ZNF703: variants seen among roughly 807,000 people sequenced by gnomAD.
ZNF703 encodes the protein zinc finger protein 703.
Under a neutral mutation model 30.7 loss-of-function variants are expected in ZNF703, and 18 were observed. The observed-to-expected ratio is 0.59, with a 90% CI of 0.40 to 0.87. The LOEUF is 0.87. Among genes scored for constraint, ZNF703 ranks in the 40% least tolerant of loss-of-function variants. The probability of loss-of-function intolerance (pLI) is 0.00; values close to 1 mark genes in which losing one functional copy is unlikely to be tolerated. For synonymous variants in ZNF703, 457 were observed against 438.6 expected (o/e 1.04, Z -0.52); for missense variants, 814 against 847.8 (o/e 0.96, Z 0.50).
chr8:37,697,010 C>A, intron 1 of ZNF703, 135 bp from the exon 2 acceptor site: 1 of 1,092,890 alleles, frequency 9.2e-7, no homozygotes, highest in Non-Finnish European at 1.2e-6. Flanking sequence ...CCCGGCCCGG[C>A]CCTCGCTCGC....
At position 37,698,578 on chromosome 8, in the gene ZNF703, G is replaced by A. The variant is rs1435477191; in HGVS notation, c.1677G>A (p.Leu559=). 1.3e-5 allele frequency: 20 copies of A among 1,568,112 alleles called. No homozygotes were observed. In the East Asian group the frequency reaches 5.1e-4, roughly 40 times the overall value. The change falls in exon 2 of 2, where the codon CTG becomes CTA. Residue 559 remains leucine, a synonymous_variant. Transcript: ENST00000331569. ...GKSHLSTAGG[L]AVPSLPTAGP... is the part of the protein sequence containing the mutation. Reference sequence around the variant, plus strand: ...GCCACTTATCCACAGCGGGGGGCCTGGCCGTGCCGTCCCTCCCCACAGCCG... The same window carrying A: ...GCCACTTATCCACAGCGGGGGGCCTAGCCGTGCCGTCCCTCCCCACAGCCG...
Position 37,697,554 on chromosome 8 carries a change from C to CCGGCGGCTCCCG in ZNF703, c.665_676dup (p.Arg222_Ser225dup), listed in dbSNP as rs989762557. 16 of 1,470,212 alleles carry CCGGCGGCTCCCG rather than the reference C, an allele frequency of 1.1e-5. No homozygotes were observed. Among genetic ancestry groups the CCGGCGGCTCCCG allele is most frequent in the Non-Finnish European group, 1.4e-5 (16 of 1,116,904 alleles). The allele number at this position is 1,470,212 out of a possible 1,614,324, so 91.1% of individuals were successfully genotyped here. The stretch of plus-strand genomic sequence containing the variant: ...TCCGCATCCTCGTCCTCGTCGTCGC[C>CCGGCGGCTCCCG]CGGCGGCTCCCGCGGCGGCTCCCCG... On this transcript the variant is annotated inframe_insertion, in exon 2 of 2. Coordinates refer to ENST00000331569, the MANE Select transcript of ZNF703 (RefSeq NM_025069.3).
rs1339218772 is a variant in ZNF703 at position 37,699,149 on chromosome 8, TC to T, written c.*478del. On this transcript the variant is annotated 3_prime_UTR_variant, in exon 2 of 2. Coordinates refer to ENST00000331569, the MANE Select transcript of ZNF703 (RefSeq NM_025069.3). The stretch of plus-strand genomic sequence containing the variant: ...AAACTACGTTTCCGCCTTCTCTTTT[TC>T]CCTCTTCCCCCTTCATTCCCTCTTG... 1 of 154,312 alleles carries T rather than the reference TC, an allele frequency of 6.5e-6. No individual in the cohort carries two copies. Among genetic ancestry groups the T allele is most frequent in the African/African-American group, 2.4e-5 (1 of 41,530 alleles). The allele number at this position is 154,312 out of a possible 1,614,324, so 9.6% of individuals were successfully genotyped here.
In ZNF703 at chr8:37,696,278, G is replaced by A; in HGVS notation, c.243+56G>A. Reference sequence around the variant, plus strand: ...GGCCCCATTCCTCCCACCGCGACCGGGACCCTGACCCAGCTCCCAGCGCCC... The same window carrying A: ...GGCCCCATTCCTCCCACCGCGACCGAGACCCTGACCCAGCTCCCAGCGCCC... On this transcript the variant is annotated intron_variant, in intron 1 of 1. Coordinates refer to ENST00000331569, the MANE Select transcript of ZNF703 (RefSeq NM_025069.3). The surrounding 1 kb of genome is among the most constrained non-coding windows in gnomAD (Gnocchi z 8.2). 1.3e-6 allele frequency: 2 copies of A among 1,517,414 alleles called. No homozygotes were observed. The highest frequency in any genetic ancestry group is 1.2e-5 in the South Asian group (1 of 80,590). The allele number at this position is 1,517,414 out of a possible 1,614,324, so 94.0% of individuals were successfully genotyped here.
In ZNF703 at chr8:37,697,190, T is replaced by G. The variant is rs1440873094; in HGVS notation, c.289T>G (p.Ser97Ala). 6.3e-7 allele frequency: 1 copy of G among 1,595,428 alleles called. No homozygotes were observed. Among genetic ancestry groups the G allele is most frequent in the Admixed American group, 1.7e-5 (1 of 58,306 alleles). The change falls in exon 2 of 2, where the codon TCG becomes GCG. Residue 97 changes from serine to alanine, a missense_variant. Transcript: ENST00000331569. ...CTTGGCGCTGCTGGCTCAGACCTGC[T>G]CGCAGATCGGCAAGCCGGACCCGCC... ...SPLALLAQTC[S>A]QIGKPDPPPS...
In ZNF703 at chr8:37,698,705, A is replaced by ACCCTCCTCCCTCT. The variant is rs1563299603; in HGVS notation, c.*41_*53dup. On this transcript the variant is annotated 3_prime_UTR_variant, in exon 2 of 2. Transcript: ENST00000331569. ...GCTCTTCCTCCACCCCAGCCCCCTC[A>ACCCTCCTCCCTCT]CCCTCCTCCCTCTCCCTCCTCCTCC... 55 of 1,229,022 alleles carry ACCCTCCTCCCTCT rather than the reference A, an allele frequency of 4.5e-5. No individual in the cohort carries two copies. Among genetic ancestry groups the ACCCTCCTCCCTCT allele is most frequent in the Non-Finnish European group, 5.6e-5 (55 of 986,294 alleles). 76.1% of individuals were successfully genotyped at this position (1,229,022 alleles called of 1,614,324 possible).
chr8:37,697,039 C>T (rs575596650), intron 1 of ZNF703, 106 bp from the exon 2 acceptor site: 61 of 1,306,296 alleles, frequency 4.7e-5, no homozygotes, highest in Middle Eastern at 2.6e-4. Context: ...TCCCCAGGCC[C>T]GCCCCGCCCC....
rs1409670670 is a variant in ZNF703, at chr8:37,696,075, G to A, written c.96G>A (p.Ala32=). 2 of 1,568,066 alleles carry A rather than the reference G, an allele frequency of 1.3e-6. No homozygotes were observed. Among genetic ancestry groups the A allele is most frequent in the South Asian group, 2.3e-5 (2 of 86,562 alleles). Residue 32 remains alanine, a synonymous_variant, in exon 1 of 2, where the codon GCG becomes GCA. Coordinates refer to ENST00000331569, the MANE Select transcript of ZNF703 (RefSeq NM_025069.3). The surrounding 1 kb of genome is among the most constrained non-coding windows in gnomAD (Gnocchi z 8.2). Reference sequence around the variant, plus strand: ...GGAAGAGGCCGGCGGTGCCGGCAGCGGTGTCCCTCTTGCCACCGGCGGACC... The same window carrying A: ...GGAAGAGGCCGGCGGTGCCGGCAGCAGTGTCCCTCTTGCCACCGGCGGACC... ...GGGKRPAVPA[A]VSLLPPADPL...
chr8:37,698,288 G>T lies in ZNF703; in HGVS notation c.1387G>T (p.Ala463Ser). The T allele has an allele frequency of 6.5e-7, 1 of 1,539,752 alleles. No individual in the cohort carries two copies. ...PLPHSCNWVA[A>S]SGPCDKRFAT... The stretch of plus-strand genomic sequence containing the variant: ...GCCGCACAGCTGCAACTGGGTGGCA[G>T]CCAGTGGGCCGTGCGACAAGCGCTT... Residue 463 changes from alanine (A) to serine (S), a missense_variant, in exon 2 of 2, where the codon GCC becomes TCC. Transcript: ENST00000331569.
rs957637590 is a variant in ZNF703, at chr8:37,698,812, CTG to C, written c.*142_*143del. 1 of 676,280 alleles carries C rather than the reference CTG, an allele frequency of 1.5e-6. No homozygotes were observed. Among genetic ancestry groups the C allele is most frequent in the African/African-American group, 1.9e-5 (1 of 52,812 alleles). The allele number at this position is 676,280 out of a possible 1,614,324, so 41.9% of individuals were successfully genotyped here. ...CCCCACCCAGCCCTTCCCCACCGGA[CTG>C]TGTATTTATTTACTATAATGTTAGC... is the stretch of plus-strand genomic sequence containing the variant. On this transcript the variant is annotated 3_prime_UTR_variant, in exon 2 of 2. Coordinates refer to ENST00000331569, the MANE Select transcript of ZNF703 (RefSeq NM_025069.3).
rs1191792691 is a variant in ZNF703, at chr8:37,698,223, C to G, written c.1322C>G (p.Pro441Arg). ...GCCCAGGCCGCGCTCCCCGGCCACC[C>G]GCTCTACACCTACGGCTTCATGCTG... ...SAAQAALPGH[P>R]LYTYGFMLQN... Residue 441 changes from proline (P) to arginine (R), a missense_variant, in exon 2 of 2, where the codon CCG becomes CGG. Physicochemically the swap from Pro to Arg is moderately radical, Grantham distance 103. Coordinates refer to ENST00000331569, the MANE Select transcript of ZNF703 (RefSeq NM_025069.3). The G allele has an allele frequency of 1.3e-6, 2 of 1,510,202 alleles. No individual in the cohort carries two copies. The highest frequency in any genetic ancestry group is 1.5e-5 in the African/African-American group (1 of 67,322). The allele number at this position is 1,510,202 out of a possible 1,614,324, so 93.6% of individuals were successfully genotyped here.
chr8:37,695,937 T>TCCC lies in ZNF703; in HGVS notation c.-40_-38dup. ...CCCCGGGAGCTCGCCTCCCCGGTGC[T>TCCC]CCCCCGCCCTCCCCGCCCCCCCAGC... On this transcript the variant is annotated 5_prime_UTR_variant, in exon 1 of 2. Transcript: ENST00000331569. 3 of 1,376,756 alleles carry TCCC rather than the reference T, an allele frequency of 2.2e-6. No homozygotes were observed. Among genetic ancestry groups the TCCC allele is most frequent in the Non-Finnish European group, 2.9e-6 (3 of 1,045,488 alleles). 85.3% of individuals were successfully genotyped at this position (1,376,756 alleles called of 1,614,324 possible). A position where few individuals can be genotyped will look rare whatever the true frequency, so the allele number is the denominator to read the frequency against.
chr8:37,697,645 G>T lies in ZNF703; in HGVS notation c.744G>T (p.Glu248Asp). The T allele has an allele frequency of 7.3e-7, 1 of 1,370,686 alleles. No individual in the cohort carries two copies. Among genetic ancestry groups the T allele is most frequent in the Non-Finnish European group, 9.4e-7 (1 of 1,069,216 alleles). 84.9% of individuals were successfully genotyped at this position (1,370,686 alleles called of 1,614,324 possible). The change falls in exon 2 of 2, where the codon GAG becomes GAT. Residue 248 changes from glutamate to aspartate, a missense_variant. Physicochemically the swap from Glu to Asp is conservative, Grantham distance 45. Transcript: ENST00000331569. ...GGGELDKKDQEPKPSPEPAAV... is the reference protein window; with the variant it reads ...GGGELDKKDQDPKPSPEPAAV... ...GGGAGCTGGACAAGAAAGACCAGGA[G>T]CCCAAGCCCAGCCCGGAGCCGGCAG...
chr8:37,698,067 C>G lies in ZNF703; in HGVS notation c.1166C>G (p.Ser389Trp). 1.9e-6 allele frequency: 3 copies of G among 1,547,736 alleles called. No homozygotes were observed. Among genetic ancestry groups the G allele is most frequent in the Middle Eastern group, 1.7e-4 (1 of 5,996 alleles). Reference protein sequence around the residue: ...PYCLGGYHGASHLGGSSCSTC... With the variant: ...PYCLGGYHGAWHLGGSSCSTC... ...TGCTTGGGAGGTTACCACGGCGCCT[C>G]GCACCTCGGCGGCTCCAGCTGCTCC... The change falls in exon 2 of 2, where the codon TCG becomes TGG. Residue 389 changes from serine to tryptophan, a missense_variant. Coordinates refer to ENST00000331569, the MANE Select transcript of ZNF703 (RefSeq NM_025069.3).
At position 37,695,875 on chromosome 8, in the gene ZNF703, C is replaced by T; in HGVS notation, c.-105C>T. On this transcript the variant is annotated 5_prime_UTR_variant, in exon 1 of 2. Coordinates refer to ENST00000331569, the MANE Select transcript of ZNF703 (RefSeq NM_025069.3). ...AGGCGGCGAGGAGGCGCAGCTCCCG[C>T]TGCACCGCGATCGACGCTGCGGAGC... 2 of 1,137,780 alleles carry T rather than the reference C, an allele frequency of 1.8e-6. No individual in the cohort carries two copies. The highest frequency in any genetic ancestry group is 2.3e-6 in the Non-Finnish European group (2 of 857,442). The allele number at this position is 1,137,780 out of a possible 1,614,324, so 70.5% of individuals were successfully genotyped here.
At position 37,698,145 on chromosome 8, in the gene ZNF703, C is replaced by G. The variant is rs1361783222; in HGVS notation, c.1244C>G (p.Pro415Arg). 3 of 1,529,234 alleles carry G rather than the reference C, an allele frequency of 2.0e-6. No homozygotes were observed. The Admixed American group carries it at 5.9e-5, about 30-fold the overall frequency. 94.7% of individuals were successfully genotyped at this position (1,529,234 alleles called of 1,614,324 possible). A position where few individuals can be genotyped will look rare whatever the true frequency, so the allele number is the denominator to read the frequency against. ...CCCAGCCTGAAGGCGGGGGGCTACC[C>G]GCTGGTGTACCCCGGGCACCCGCTG... is the stretch of plus-strand genomic sequence containing the variant. Reference protein sequence around the residue: ...AGPSLKAGGYPLVYPGHPLQP... With the variant: ...AGPSLKAGGYRLVYPGHPLQP... The change falls in exon 2 of 2, where the codon CCG becomes CGG. Residue 415 changes from proline (P) to arginine (R), a missense_variant. Pro to Arg is a moderately radical substitution (Grantham distance 103). Transcript: ENST00000331569.
At position 37,698,959 on chromosome 8, in the gene ZNF703, T is replaced by G; in HGVS notation, c.*285T>G. Reference sequence around the variant, plus strand: ...AATAACGACATGATCCCCGCCCCTGTTCCTTTCTGTTATTTTTTCTTAGAT... The same window carrying G: ...AATAACGACATGATCCCCGCCCCTGGTCCTTTCTGTTATTTTTTCTTAGAT... On this transcript the variant is annotated 3_prime_UTR_variant, in exon 2 of 2. Transcript: ENST00000331569. The G allele has an allele frequency of 5.8e-6, 2 of 344,584 alleles. No individual in the cohort carries two copies. Among genetic ancestry groups the G allele is most frequent in the African/African-American group, 2.1e-5 (1 of 47,470 alleles). The allele number at this position is 344,584 out of a possible 1,614,324, so 21.3% of individuals were successfully genotyped here. A position where few individuals can be genotyped will look rare whatever the true frequency, so the allele number is the denominator to read the frequency against.
At position 37,698,212 on chromosome 8, in the gene ZNF703, C is replaced by G; in HGVS notation, c.1311C>G (p.Leu437=). 6.6e-7 allele frequency: 1 copy of G among 1,520,342 alleles called. No individual in the cohort carries two copies. The highest frequency in any genetic ancestry group is 8.8e-7 in the Non-Finnish European group (1 of 1,140,504). The allele number at this position is 1,520,342 out of a possible 1,614,324, so 94.2% of individuals were successfully genotyped here. ...CGTCCAGCGCCGCCCAGGCCGCGCT[C>G]CCCGGCCACCCGCTCTACACCTACG... ...ALSSSAAQAA[L]PGHPLYTYGF... The change falls in exon 2 of 2, where the codon CTC becomes CTG. Residue 437 remains leucine (L), a synonymous_variant. Coordinates refer to ENST00000331569, the MANE Select transcript of ZNF703 (RefSeq NM_025069.3).
rs765665171 is a variant in ZNF703 at position 37,697,763 on chromosome 8, G to A, written c.862G>A (p.Val288Met). ...CAAGTCCGAGCCGCCCTCGGCGCTGGTGGGGGCCGGCCACGTGGCGCCGGT... is the reference window on the plus strand; with the variant it reads ...CAAGTCCGAGCCGCCCTCGGCGCTGATGGGGGCCGGCCACGTGGCGCCGGT... ...GRKSEPPSALVGAGHVAPVSP... is the reference protein window; with the variant it reads ...GRKSEPPSALMGAGHVAPVSP... Residue 288 changes from valine (V) to methionine (M), a missense_variant, in exon 2 of 2, where the codon GTG (valine) becomes ATG (methionine). Val to Met is a conservative substitution (Grantham distance 21). Transcript: ENST00000331569. 1.2e-5 allele frequency: 18 copies of A among 1,492,926 alleles called. No individual in the cohort carries two copies. In the South Asian group the frequency reaches 2.2e-4, roughly 18 times the overall value. 92.5% of individuals were successfully genotyped at this position (1,492,926 alleles called of 1,614,324 possible).
Sources: gnomAD v4.1 joint callset for allele counts on GRCh38, gnomAD v4.1.1 for gene constraint, Gnocchi (gnomAD v3.1) non-coding constraint, MANE v1.5 for transcripts, NCBI Gene and HGNC (gene_info 2026-07-23, HGNC 2026-07-21) for gene names.